ADAMTSL1: variants seen among roughly 807,000 people sequenced by gnomAD.
ADAMTSL1 encodes ADAMTS-like protein 1.
A neutral mutation model predicts 201.8 loss-of-function variants in ADAMTSL1; 126 were observed. The observed-to-expected ratio is 0.62, with a 90% confidence interval of 0.54 to 0.72. The LOEUF (loss-of-function observed/expected upper bound fraction) is 0.72, where lower values mean the gene tolerates loss of function less well. Ranked by LOEUF, ADAMTSL1 falls within the 30% of genes least tolerant of loss-of-function variation. The pLI, the probability that ADAMTSL1 is intolerant of heterozygous loss-of-function variation, is 0.00. For missense variants in ADAMTSL1, 2,679 were observed against 2,277.8 expected (o/e 1.18, Z -3.59); for synonymous variants, 1,121 against 903.4 (o/e 1.24, Z -4.32).
chr9:18,715,953 C>G (rs931103945), intron 14 of ADAMTSL1, among the ~76,000 whole-genome samples: 7 of 151,410 alleles, frequency 4.6e-5, no homozygotes, highest in African/African-American at 1.7e-4. Flanking sequence ...ACTATCTGAT[C>G]TTTGAAAAAC....
chr9:18,422,580 C>T (rs1468813031), intron 2 of ADAMTSL1, among the ~76,000 whole-genome samples: 4 of 152,168 alleles, frequency 2.6e-5, no homozygotes, highest in Non-Finnish European at 5.9e-5. Context: ...TCACCACGCA[C>T]TGTGTGCCCC....
chr9:17,995,379 G>C (rs889358075), intron 1 of ADAMTSL1, among the ~76,000 whole-genome samples: 3 of 152,088 alleles, frequency 2.0e-5, no homozygotes, highest in African/African-American at 7.2e-5. Context: ...TAAGAAAAAT[G>C]CTGCATTATT....
At chr9:18,811,575 G>C (rs569478604) in intron 20 of ADAMTSL1, among the ~76,000 whole-genome samples, 11 of 152,334 alleles carry the variant, frequency 7.2e-5, no homozygotes, top group African/African-American at 2.6e-4. Flanking sequence ...GTAGTAACAA[G>C]GAGGCATCTC....
chr9:17,983,869 G>T (rs1478116691), intron 1 of ADAMTSL1, among the ~76,000 whole-genome samples: 2 of 152,038 alleles, frequency 1.3e-5, no homozygotes, highest in African/African-American at 4.8e-5. Context: ...TATAAAAGGG[G>T]ATGTTTAATT....
At chr9:18,699,350 G>T (rs1241504539) in intron 13 of ADAMTSL1, among the ~76,000 whole-genome samples, 4 of 148,212 alleles carry the variant, frequency 2.7e-5, no homozygotes, top group African/African-American at 7.5e-5. Context: ...TGAGAGACTG[G>T]GTCTTTCTTT....
At chr9:18,461,579 C>G (rs536306596) in intron 2 of ADAMTSL1, among the ~76,000 whole-genome samples, 1 of 152,044 alleles carries the variant, frequency 6.6e-6, no homozygotes, top group South Asian at 2.1e-4. Context: ...TTTAATCTAC[C>G]TAACCTCTTG....
At chr9:18,205,107 C>T (rs10963511) in intron 2 of ADAMTSL1, among the ~76,000 whole-genome samples, 22,949 of 152,006 alleles carry the variant, frequency 0.15, 1,988 homozygotes, top group East Asian at 0.24. Flanking sequence ...TATCAAGGCT[C>T]TCTTCCAAGC....
chr9:18,260,705 G>A (rs1044435773), intron 2 of ADAMTSL1, among the ~76,000 whole-genome samples: 4 of 152,166 alleles, frequency 2.6e-5, no homozygotes, highest in South Asian at 2.1e-4. Flanking sequence ...TTTTGTGGTC[G>A]TTTCCATCTG....
intron 2 of ADAMTSL1, among the ~76,000 whole-genome samples, chr9:18,317,091 C>G (rs1389356581): frequency 6.6e-6 from 1 of 152,058 alleles, no homozygotes; most frequent in African/African-American, 2.4e-5. Flanking sequence ...GTGGATGAAC[C>G]TGGAAGACAT....
chr9:18,227,047 G>A (rs987956457), intron 2 of ADAMTSL1, among the ~76,000 whole-genome samples: 5 of 151,980 alleles, frequency 3.3e-5, no homozygotes, highest in African/African-American at 1.2e-4. Flanking sequence ...CATTTTACCT[G>A]CTTTCTTATT....
intron 28 of ADAMTSL1, chr9:18,908,176 T>A (rs1297786544): frequency 8.2e-6 from 4 of 489,242 alleles, no homozygotes; most frequent in African/African-American, 7.9e-5. Context: ...TAGAGGGAGC[T>A]GCAGAAAACA....
chr9:18,762,959 A>C (rs1020568411), intron 16 of ADAMTSL1, among the ~76,000 whole-genome samples: 5 of 152,216 alleles, frequency 3.3e-5, no homozygotes, highest in Admixed American at 6.5e-5. Flanking sequence ...TATACACTGC[A>C]ACAAACACAG....
chr9:18,808,753 G>A (rs541090864), intron 20 of ADAMTSL1, among the ~76,000 whole-genome samples: 1 of 152,264 alleles, frequency 6.6e-6, no homozygotes, highest in African/African-American at 2.4e-5. Flanking sequence ...GAATTCTGAG[G>A]CAGCCAGTCC....
intron 1 of ADAMTSL1, among the ~76,000 whole-genome samples, chr9:17,982,231 A>G (rs1371930628): frequency 6.6e-6 from 1 of 152,186 alleles, no homozygotes; most frequent in Non-Finnish European, 1.5e-5. Context: ...AAGCCATGAA[A>G]ATTTTATAGC....
At chr9:17,914,893 G>T (rs552364439) in intron 1 of ADAMTSL1, among the ~76,000 whole-genome samples, 19 of 152,226 alleles carry the variant, frequency 1.2e-4, no homozygotes, top group African/African-American at 4.6e-4. Context: ...CAAACAGAGA[G>T]CCAAACCAAC....
chr9:18,504,633 G>A (rs1823021758), intron 1 of ADAMTSL1, among the ~76,000 whole-genome samples, 196 bp from the exon 2 acceptor site: 2 of 152,008 alleles, frequency 1.3e-5, no homozygotes, highest in African/African-American at 2.4e-5. Flanking sequence ...ATTGCCCAGG[G>A]CCCTTAAATT....
At chr9:18,221,647 A>G (rs780964684) in intron 2 of ADAMTSL1, among the ~76,000 whole-genome samples, 7 of 151,940 alleles carry the variant, frequency 4.6e-5, no homozygotes, top group Non-Finnish European at 8.8e-5. Context: ...AGTTCTACGT[A>G]TTTTCTAATT....
intron 2 of ADAMTSL1, among the ~76,000 whole-genome samples, chr9:18,350,732 AT>A (rs988974342): frequency 1.1e-4 from 16 of 152,148 alleles, no homozygotes; most frequent in Non-Finnish European, 1.5e-5. Flanking sequence ...GAGGGTATAC[AT>A]TTTTACTTTG....
At chr9:18,173,264 A>G (rs1028409808) in intron 2 of ADAMTSL1, among the ~76,000 whole-genome samples, 1 of 152,146 alleles carries the variant, frequency 6.6e-6, no homozygotes, top group Non-Finnish European at 1.5e-5. Flanking sequence ...AATCACTGAA[A>G]CATAAAGTGA....
Sources: allele counts gnomAD v4.1 joint callset (sites outside exome capture counted in the v4.1 genomes callset), GRCh38; gene constraint gnomAD v4.1.1; transcripts MANE v1.5; gene names NCBI Gene and HGNC (gene_info 2026-07-23, HGNC 2026-07-21).